C1orf94: variants seen among roughly 807,000 people sequenced by gnomAD.
The protein encoded by C1orf94 is uncharacterized protein C1orf94.
C1orf94 carries 45 observed loss-of-function variants against 53.6 expected under a neutral mutation model. The ratio of observed to expected loss-of-function variants is 0.84; its 90% CI spans 0.66 to 1.08. C1orf94 has a LOEUF of 1.08. Ranked by LOEUF, C1orf94 falls within the 50% of genes least tolerant of loss-of-function variation. The pLI is 0.00. For missense variants in C1orf94, 762 were observed against 738.9 expected, an observed-to-expected ratio of 1.03 and a Z score of -0.36; for synonymous variants, 304 against 296.1, an observed-to-expected ratio of 1.03 and a Z score of -0.27.
chr1:34,182,158 G>A (rs557975304), intron 1 of C1orf94, among the ~76,000 whole-genome samples: 63 of 152,294 alleles, frequency 4.1e-4, no homozygotes, highest in Admixed American at 3.7e-3. Context: ...TTGCACTACT[G>A]CACTCCAGCC....
chr1:34,192,992 G>T (rs183839400), intron 1 of C1orf94, among the ~76,000 whole-genome samples: 26 of 152,306 alleles, frequency 1.7e-4, no homozygotes, highest in Non-Finnish European at 2.9e-5. Context: ...TTCAGCAGGG[G>T]AATGGTTTGA....
At chr1:34,195,368 A>G (rs541530727) in intron 1 of C1orf94, among the ~76,000 whole-genome samples, 3 of 152,300 alleles carry the variant, frequency 2.0e-5, no homozygotes, top group Non-Finnish European at 2.9e-5. Flanking sequence ...CTGAGGTTCC[A>G]GGGTCCGACA....
chr1:34,185,006 CT>C (rs1417892082), intron 1 of C1orf94, among the ~76,000 whole-genome samples: 1 of 152,028 alleles, frequency 6.6e-6, no homozygotes, highest in Non-Finnish European at 1.5e-5. Context: ...GTCAATACCT[CT>C]TTGAAAATCT....
intron 1 of C1orf94, among the ~76,000 whole-genome samples, chr1:34,196,692 G>T (rs984231098): frequency 6.6e-6 from 1 of 152,158 alleles, no homozygotes; most frequent in African/African-American, 2.4e-5. Flanking sequence ...TCACACCGAT[G>T]GGAGTTGACT....
chr1:34,189,362 G>A (rs949278415), intron 1 of C1orf94, among the ~76,000 whole-genome samples: 10 of 145,682 alleles, frequency 6.9e-5, no homozygotes, highest in Admixed American at 2.1e-4. Flanking sequence ...TGTGTGTGGC[G>A]GGGGGTGGCT....
chr1:34,194,837 T>C (rs1294640407), intron 1 of C1orf94, among the ~76,000 whole-genome samples: 5 of 152,180 alleles, frequency 3.3e-5, no homozygotes, highest in African/African-American at 1.2e-4. Flanking sequence ...AGTGAAGCTA[T>C]TGGTGTATGG....
At chr1:34,214,153 A>C (rs1357347358) in intron 6 of C1orf94, among the ~76,000 whole-genome samples, 1 of 152,244 alleles carries the variant, frequency 6.6e-6, no homozygotes, top group African/African-American at 2.4e-5. Context: ...GGACAAAGGC[A>C]GAATCCCTGC....
chr1:34,196,622 A>T (rs1365603948), intron 1 of C1orf94, among the ~76,000 whole-genome samples: 1 of 152,162 alleles, frequency 6.6e-6, no homozygotes, highest in Non-Finnish European at 1.5e-5. Context: ...CACCTCTATG[A>T]TACTCCTAGT....
Position 34,187,163 on chromosome 1 carries a change from G to T in C1orf94, c.320+9054G>T, listed in dbSNP as rs1045461804. The stretch of plus-strand genomic sequence containing the variant: ...GCCAGGCTCTATATTTTCATTTTCT[G>T]CTTTATTTCACTATCTTAGCAACCC... On this transcript the variant is annotated intron_variant, in intron 1 of 6. Coordinates refer to ENST00000488417, the MANE Select transcript of C1orf94 (RefSeq NM_001134734.2). 1.3e-5 allele frequency among the ~76,000 whole-genome samples: 2 copies of T among 152,092 alleles called. 1 individual carries two copies. The highest frequency in any genetic ancestry group is 2.9e-5 in the Non-Finnish European group (2 of 68,012).
In C1orf94 at chr1:34,177,618, G is replaced by C; in HGVS notation, c.-172G>C. The C allele has an allele frequency of 1.7e-6, 1 of 580,558 alleles. No individual in the cohort carries two copies. Among genetic ancestry groups the C allele is most frequent in the Non-Finnish European group, 3.0e-6 (1 of 338,322 alleles). 36.0% of individuals were successfully genotyped at this position (580,558 alleles called of 1,614,324 possible). A position where few individuals can be genotyped will look rare whatever the true frequency, so the allele number is the denominator to read the frequency against. On this transcript the variant is annotated 5_prime_UTR_variant, in exon 1 of 7. Transcript: ENST00000488417. ...GGAGGGAGGCAAAAGTCAGGAAAGA[G>C]CAAATAAAAACAAATCAAAATAAGC...
intron 6 of C1orf94, among the ~76,000 whole-genome samples, chr1:34,214,188 C>A (rs1007884075): frequency 5.9e-5 from 9 of 152,134 alleles, no homozygotes; most frequent in Admixed American, 5.9e-4. Context: ...CAGTGAGCAG[C>A]ACTGGGAGGA....
At chr1:34,207,430 C>G (rs566124327) in intron 4 of C1orf94, among the ~76,000 whole-genome samples, 4 of 152,178 alleles carry the variant, frequency 2.6e-5, no homozygotes, top group Non-Finnish European at 5.9e-5. Context: ...GACAAACACA[C>G]TGAACATTGA....
At chr1:34,180,546 G>A (rs1642297824) in intron 1 of C1orf94, among the ~76,000 whole-genome samples, 1 of 152,248 alleles carries the variant, frequency 6.6e-6, no homozygotes, top group African/African-American at 2.4e-5. Context: ...CAGTTAGGAA[G>A]TAGTAGAGTT....
chr1:34,212,052 A>C (rs994065430), intron 5 of C1orf94, among the ~76,000 whole-genome samples, 158 bp from the exon 6 acceptor site: 1 of 152,150 alleles, frequency 6.6e-6, no homozygotes, highest in South Asian at 2.1e-4. Flanking sequence ...GGCTCACTAC[A>C]TAAGTTGAGC....
At chr1:34,210,951 C>T (rs890760167) in intron 5 of C1orf94, among the ~76,000 whole-genome samples, 2 of 151,950 alleles carry the variant, frequency 1.3e-5, no homozygotes, top group African/African-American at 4.8e-5. Context: ...CGCACCCAGC[C>T]CCCTTTGTGG....
chr1:34,189,079 TGTGTGCATAG>T (rs1642436312), intron 1 of C1orf94, among the ~76,000 whole-genome samples: 1 of 151,524 alleles, frequency 6.6e-6, no homozygotes, highest in African/African-American at 2.4e-5. Context: ...TGTACATGGG[TGTGTGCATAG>T]GTGTGCATGT....
At chr1:34,198,010 A>C in intron 2 of C1orf94, 97 bp downstream of exon 2, 3 of 1,271,982 alleles carry the variant, frequency 2.4e-6, no homozygotes, top group Non-Finnish European at 3.2e-6. Flanking sequence ...AAGCATCTTC[A>C]TGCAAAGCAA....
chr1:34,205,675 T>C (rs1557487794), intron 4 of C1orf94, among the ~76,000 whole-genome samples: 1 of 152,204 alleles, frequency 6.6e-6, no homozygotes, highest in East Asian at 1.9e-4. Flanking sequence ...GGAAATGGGG[T>C]CAGAGAGCTC....
intron 6 of C1orf94, 96 bp from the exon 7 acceptor site, chr1:34,218,590 G>A: frequency 9.9e-7 from 1 of 1,006,572 alleles, no homozygotes; most frequent in Non-Finnish European, 1.4e-6. Context: ...GGTCTTCACT[G>A]TTTCTGACAA....
Sources: allele counts gnomAD v4.1 joint callset (sites outside exome capture counted in the v4.1 genomes callset), GRCh38; gene constraint gnomAD v4.1.1; transcripts MANE v1.5; gene names NCBI Gene and HGNC (gene_info 2026-07-23, HGNC 2026-07-21).